SOX5: variants seen among roughly 807,000 people sequenced by gnomAD.
SOX5 encodes the protein SRY-box transcription factor 5, also known as transcription factor SOX-5.
Under a neutral mutation model 92.0 loss-of-function variants are expected in SOX5, and 9 were observed. That is an observed-to-expected ratio of 0.10 (90% CI 0.06 to 0.17). The LOEUF (loss-of-function observed/expected upper bound fraction) is 0.17, where lower values mean the gene tolerates loss of function less well. Among genes scored for constraint, SOX5 ranks in the 10% least tolerant of loss-of-function variants. The pLI is 1.00. For missense variants in SOX5, 642 were observed against 944.5 expected, an observed-to-expected ratio of 0.68 and a Z score of 4.20; for synonymous variants, 344 against 336.3, an observed-to-expected ratio of 1.02 and a Z score of -0.25.
At chr12:24,115,352 A>T (rs1031501727) in intron 4 of SOX5, among the ~76,000 whole-genome samples, 1 of 152,222 alleles carries the variant, frequency 6.6e-6, no homozygotes, top group Non-Finnish European at 1.5e-5. Flanking sequence ...TATTCCACTA[A>T]ATTATAGAAA....
chr12:23,560,860 G>A (rs1325686160), intron 11 of SOX5, among the ~76,000 whole-genome samples: 1 of 152,156 alleles, frequency 6.6e-6, no homozygotes, highest in Non-Finnish European at 1.5e-5. Context: ...GCTTCAAAGA[G>A]TTTCAATAAT....
At chr12:23,991,906 A>T (rs1398625020) in intron 4 of SOX5, among the ~76,000 whole-genome samples, 1 of 152,124 alleles carries the variant, frequency 6.6e-6, no homozygotes, top group Admixed American at 6.6e-5. Flanking sequence ...TTTTTTGATA[A>T]TTTCCAGGTA....
chr12:23,698,950 A>G (rs1285187945), intron 6 of SOX5, among the ~76,000 whole-genome samples: 3 of 152,178 alleles, frequency 2.0e-5, no homozygotes, highest in East Asian at 3.9e-4. Flanking sequence ...GTGAAAACAG[A>G]AAGTATTTCT....
At chr12:23,724,846 A>T (rs931598212) in intron 6 of SOX5, among the ~76,000 whole-genome samples, 1 of 152,200 alleles carries the variant, frequency 6.6e-6, no homozygotes, top group African/African-American at 2.4e-5. Context: ...ACCAAGAAGG[A>T]CAGTTCAATC....
chr12:23,629,653 G>A (rs117992523), intron 8 of SOX5, among the ~76,000 whole-genome samples: 5 of 152,142 alleles, frequency 3.3e-5, no homozygotes, highest in East Asian at 3.9e-4. Flanking sequence ...TTGAAACAAC[G>A]TTTTCAACCA....
At position 24,103,044 on chromosome 12, in the gene SOX5, A is replaced by C. The variant is rs372642802; in HGVS notation, c.-2+110299T>G. 4.6e-4 allele frequency among the ~76,000 whole-genome samples: 70 copies of C among 152,372 alleles called. 1 individual carries two copies. In the South Asian group the frequency reaches 0.013, roughly 29 times the overall value. The stretch of plus-strand genomic sequence containing the variant: ...AACATAGGAACGGTGAGGATGTGAA[A>C]GGGGAAGACAATTTCGGATTGAACC... On this transcript the variant is annotated intron_variant, in intron 4 of 4. Coordinates refer to the SOX5 transcript ENST00000446891.
At chr12:24,111,119 C>T (rs7307397) in intron 4 of SOX5, among the ~76,000 whole-genome samples, 116,147 of 151,470 alleles carry the variant, frequency 0.77, 45,416 homozygotes, top group East Asian at 1. Context: ...CATCCCCCAA[C>T]TGGGAAAAGC....
At chr12:23,811,584 T>C (rs186432810) in intron 3 of SOX5, among the ~76,000 whole-genome samples, 9 of 152,242 alleles carry the variant, frequency 5.9e-5, no homozygotes, top group African/African-American at 2.2e-4. Context: ...AATAATGCTT[T>C]CCTTTTTCCC....
intron 4 of SOX5, among the ~76,000 whole-genome samples, chr12:24,110,979 T>C (rs1947279366): frequency 6.8e-6 from 1 of 146,932 alleles, no homozygotes; most frequent in Non-Finnish European, 1.5e-5. Context: ...AATTTTACGC[T>C]AAGCCAGGAT....
At chr12:24,440,641 A>T (rs200885510) in intron 1 of SOX5, among the ~76,000 whole-genome samples, 13 of 106,252 alleles carry the variant, frequency 1.2e-4, no homozygotes, top group South Asian at 6.9e-4. Flanking sequence ...TGTGTGTGTG[A>T]AGAACAGAAG....
intron 3 of SOX5, among the ~76,000 whole-genome samples, chr12:23,772,603 G>T (rs1254257800): frequency 4.6e-5 from 7 of 152,144 alleles, no homozygotes; most frequent in African/African-American, 1.4e-4. Context: ...CTTTACATAT[G>T]TTTATTTTTA....
Position 24,393,683 on chromosome 12 carries a change from T to C in SOX5, c.-250-25044A>G, listed in dbSNP as rs963051711. Among the ~76,000 whole-genome samples the C allele has an allele frequency of 6.6e-6, 1 of 152,196 alleles. No individual in the cohort carries two copies. Among genetic ancestry groups the C allele is most frequent in the African/African-American group, 2.4e-5 (1 of 41,444 alleles). On this transcript the variant is annotated intron_variant, in intron 1 of 4. Transcript: ENST00000446891. The surrounding 1 kb of genome is among the most constrained non-coding windows in gnomAD (Gnocchi z 5.0). Reference sequence around the variant, plus strand: ...TGGAAACTAGTGCTTAATGTAGAAATTATTAAAATTTGGCAAAACTTTTCT... The same window carrying C: ...TGGAAACTAGTGCTTAATGTAGAAACTATTAAAATTTGGCAAAACTTTTCT...
chr12:23,831,196 G>C (rs911065296), intron 3 of SOX5, among the ~76,000 whole-genome samples: 13 of 151,936 alleles, frequency 8.6e-5, no homozygotes, highest in African/African-American at 2.9e-4. Context: ...ATCATAGAAG[G>C]TGCAATCAAT....
Position 23,843,835 on chromosome 12 carries a change from A to G in SOX5, c.481+2148T>C, listed in dbSNP as rs567960427. 1.6e-4 allele frequency among the ~76,000 whole-genome samples: 24 copies of G among 152,218 alleles called. No individual in the cohort carries two copies. In the East Asian group the frequency reaches 4.5e-3, roughly 28 times the overall value. On this transcript the variant is annotated intron_variant, in intron 3 of 14. Coordinates refer to ENST00000451604, the MANE Select transcript of SOX5 (RefSeq NM_006940.6). The stretch of plus-strand genomic sequence containing the variant: ...TGCCACGGCCTCCCAAAGTGCTGGG[A>G]TTATAGGCATGAGCCACCGTGCCCA...
chr12:24,520,372 G>C (rs1174232775), intron 1 of SOX5, among the ~76,000 whole-genome samples: 1 of 151,974 alleles, frequency 6.6e-6, no homozygotes, highest in East Asian at 1.9e-4. Context: ...AAGTATGGTG[G>C]TTTTGCATGC....
chr12:24,283,197 G>A (rs1945426832), intron 2 of SOX5, among the ~76,000 whole-genome samples: 1 of 152,186 alleles, frequency 6.6e-6, no homozygotes, highest in Admixed American at 6.5e-5. Context: ...TACCCACAAT[G>A]TTGTAAAAAT....
At chr12:24,308,560 A>G (rs889095870) in intron 2 of SOX5, among the ~76,000 whole-genome samples, 26 of 152,338 alleles carry the variant, frequency 1.7e-4, no homozygotes, top group African/African-American at 5.1e-4. Context: ...TGCCGCCACT[A>G]AGATACTTTG....
intron 4 of SOX5, among the ~76,000 whole-genome samples, chr12:24,021,183 CAGG>C (rs1038806255): frequency 2.0e-5 from 3 of 150,394 alleles, no homozygotes; most frequent in African/African-American, 4.8e-5. Flanking sequence ...AGGTACAGTC[CAGG>C]AGATTTCAGA....
chr12:24,372,000 AGAG>A (rs1418553433), intron 1 of SOX5, among the ~76,000 whole-genome samples: 2 of 146,452 alleles, frequency 1.4e-5, no homozygotes, highest in African/African-American at 5.2e-5. Context: ...AAAAAAAAAA[AGAG>A]AGAGAGAGAG....
Sources: gnomAD v4.1 joint callset for allele counts (sites outside exome capture counted in the v4.1 genomes callset) on GRCh38, gnomAD v4.1.1 for gene constraint, Gnocchi (gnomAD v3.1) non-coding constraint, MANE v1.5 for transcripts, NCBI Gene and HGNC (gene_info 2026-07-23, HGNC 2026-07-21) for gene names.